The following UNC5D variants were observed in gnomAD, a reference collection of about 807,000 sequenced individuals.
UNC5D encodes the protein unc-5 netrin receptor D.
Under a neutral mutation model 105.4 loss-of-function variants are expected in UNC5D, and 39 were observed. That is an observed-to-expected ratio of 0.37 (90% CI 0.29 to 0.48). The LOEUF is 0.48. UNC5D is among the 20% of genes least tolerant of loss of function. The pLI, the probability that UNC5D is intolerant of heterozygous loss-of-function variation, is 0.98. For missense variants in UNC5D, 991 were observed against 1,202.4 expected (o/e 0.82, Z 2.60); for synonymous variants, 452 against 450.4 (o/e 1.00, Z -0.04).
At chr8:35,754,577 C>A (rs1205256457) in intron 13 of UNC5D, among the ~76,000 whole-genome samples, 1 of 152,118 alleles carries the variant, frequency 6.6e-6, no homozygotes. Flanking sequence ...CAAGAAGGAA[C>A]GTGTAGAGAC....
chr8:35,275,190 T>G (rs769375038), intron 1 of UNC5D, among the ~76,000 whole-genome samples: 1 of 151,814 alleles, frequency 6.6e-6, no homozygotes, highest in African/African-American at 2.4e-5. Context: ...ACTCTTCCCC[T>G]TTCACTTGCT....
At chr8:35,329,638 G>A (rs1401417373) in intron 1 of UNC5D, among the ~76,000 whole-genome samples, 1 of 151,946 alleles carries the variant, frequency 6.6e-6, no homozygotes, top group East Asian at 1.9e-4. Flanking sequence ...GATCGGGTAT[G>A]CTATAGAGCT....
At chr8:35,422,615 T>G (rs1426918352) in intron 1 of UNC5D, among the ~76,000 whole-genome samples, 4 of 152,234 alleles carry the variant, frequency 2.6e-5, no homozygotes, top group African/African-American at 9.6e-5. Context: ...TAATTATTTT[T>G]TCATGTGACC....
chr8:35,760,582 C>A (rs1179376959), intron 14 of UNC5D, among the ~76,000 whole-genome samples: 1 of 152,112 alleles, frequency 6.6e-6, no homozygotes, highest in Admixed American at 6.6e-5. Context: ...GGCTAGCTAG[C>A]CTACCATAGT....
chr8:35,425,876 G>C lies in UNC5D; in HGVS notation c.104-123416G>C, dbSNP rs552789979. Among the ~76,000 whole-genome samples, 9 of 152,170 alleles carry C rather than the reference G, an allele frequency of 5.9e-5. No individual in the cohort carries two copies. The East Asian group carries it at 1.7e-3, about 29-fold the overall frequency. ...TATGTTTTGATACATATAATATATA[G>C]TGATCAGACTGGCGTTTAACCATTT... On this transcript the variant is annotated intron_variant, in intron 1 of 16. Coordinates refer to ENST00000404895, the MANE Select transcript of UNC5D (RefSeq NM_080872.4).
At chr8:35,584,177 A>G (rs933010642) in intron 3 of UNC5D, among the ~76,000 whole-genome samples, 5 of 152,142 alleles carry the variant, frequency 3.3e-5, no homozygotes, top group African/African-American at 1.2e-4. Flanking sequence ...GGTAGTGACA[A>G]TTGAAGGTAG....
intron 1 of UNC5D, among the ~76,000 whole-genome samples, chr8:35,370,168 CTG>C (rs1357057373): frequency 6.6e-6 from 1 of 152,094 alleles, no homozygotes; most frequent in Non-Finnish European, 1.5e-5. Flanking sequence ...AAATATGACT[CTG>C]TGATCATCTA....
At chr8:35,570,969 AAGAG>A (rs755909310) in intron 3 of UNC5D, among the ~76,000 whole-genome samples, 12 of 151,604 alleles carry the variant, frequency 7.9e-5, no homozygotes, top group East Asian at 1.9e-4. Context: ...GAAAGAAAGA[AAGAG>A]AGAGAGAGAG....
chr8:35,538,395 T>TTATATATATATATATGTATA (rs1815000070), intron 1 of UNC5D, among the ~76,000 whole-genome samples: 1 of 82,446 alleles, frequency 1.2e-5, no homozygotes, highest in Non-Finnish European at 2.5e-5. Context: ...AAAAAAATAA[T>TTATATATATATATATGTATA]TATATATATA....
At chr8:35,246,430 T>C (rs1803103623) in intron 1 of UNC5D, among the ~76,000 whole-genome samples, 1 of 152,180 alleles carries the variant, frequency 6.6e-6, no homozygotes, top group African/African-American at 2.4e-5. Flanking sequence ...TTGATTTCTC[T>C]TAAATCAGTG....
At position 35,319,841 on chromosome 8, in the gene UNC5D, G is replaced by A. The variant is rs557534814; in HGVS notation, c.103+83954G>A. Among the ~76,000 whole-genome samples, 5 of 151,840 alleles carry A rather than the reference G, an allele frequency of 3.3e-5. No homozygotes were observed. In the East Asian group the frequency reaches 9.7e-4, roughly 29 times the overall value. ...AGCAAGCTTTTATTTGAGAATGTGA[G>A]CCCCTTTAAATTATTATCAGGCCCA... On this transcript the variant is annotated intron_variant, in intron 1 of 16. Coordinates refer to ENST00000404895, the MANE Select transcript of UNC5D (RefSeq NM_080872.4).
intron 3 of UNC5D, among the ~76,000 whole-genome samples, chr8:35,580,757 T>A (rs1818431271): frequency 6.6e-6 from 1 of 152,128 alleles, no homozygotes; most frequent in South Asian, 2.1e-4. Flanking sequence ...GATGTAGGAA[T>A]CTATAGGAGA....
At chr8:35,334,441 G>A (rs915135407) in intron 1 of UNC5D, among the ~76,000 whole-genome samples, 4 of 152,042 alleles carry the variant, frequency 2.6e-5, no homozygotes, top group African/African-American at 9.7e-5. Flanking sequence ...GACTCTGGTG[G>A]TTAAGGGCAT....
chr8:35,422,769 A>G (rs1188398587), intron 1 of UNC5D, among the ~76,000 whole-genome samples: 1 of 152,224 alleles, frequency 6.6e-6, no homozygotes, highest in Non-Finnish European at 1.5e-5. Flanking sequence ...CATTTAATTT[A>G]CACAACAACC....
At chr8:35,766,865 C>T (rs748044375) in intron 14 of UNC5D, 37 bp from the exon 15 acceptor site, 53 of 1,585,994 alleles carry the variant, frequency 3.3e-5, no homozygotes, top group Non-Finnish European at 4.6e-5. Flanking sequence ...CTCAGCCAGG[C>T]TCTGCACACC....
chr8:35,480,122 G>A (rs1336439852), intron 1 of UNC5D, among the ~76,000 whole-genome samples: 1 of 152,028 alleles, frequency 6.6e-6, no homozygotes, highest in Non-Finnish European at 1.5e-5. Flanking sequence ...TTGTATTTCA[G>A]TAGCAAACTA....
intron 1 of UNC5D, among the ~76,000 whole-genome samples, chr8:35,338,180 C>A (rs190996663): frequency 6.6e-6 from 1 of 151,982 alleles, no homozygotes; most frequent in Non-Finnish European, 1.5e-5. Flanking sequence ...AAGTAAGTGA[C>A]CATTTAGGAT....
At chr8:35,274,998 G>A (rs1805676128) in intron 1 of UNC5D, among the ~76,000 whole-genome samples, 1 of 151,850 alleles carries the variant, frequency 6.6e-6, no homozygotes, top group Non-Finnish European at 1.5e-5. Context: ...GGCTGAGGCA[G>A]GAGAATTGCT....
chr8:35,786,089 T>G (rs1475229944), intron 16 of UNC5D, among the ~76,000 whole-genome samples: 1 of 152,226 alleles, frequency 6.6e-6, no homozygotes, highest in African/African-American at 2.4e-5. Flanking sequence ...TTTGTTACAT[T>G]TGTAGTACTT....
Sources: allele counts gnomAD v4.1 joint callset (sites outside exome capture counted in the v4.1 genomes callset), GRCh38; gene constraint gnomAD v4.1.1; transcripts MANE v1.5; gene names NCBI Gene and HGNC (gene_info 2026-07-23, HGNC 2026-07-21).